Variants in TRERF1 observed in about 807,000 individuals in gnomAD.
TRERF1 encodes transcriptional regulating factor 1.
Under a neutral mutation model 122.9 loss-of-function variants are expected in TRERF1, and 27 were observed. The ratio of observed to expected loss-of-function variants is 0.22; its 90% CI spans 0.16 to 0.30. TRERF1 has a LOEUF of 0.30. Among genes scored for constraint, TRERF1 ranks in the 10% least tolerant of loss-of-function variants. The pLI, the probability that TRERF1 is intolerant of heterozygous loss-of-function variation, is 1.00. For missense variants in TRERF1, 1,248 were observed against 1,560.3 expected (o/e 0.80, Z 3.37); for synonymous variants, 636 against 641.7 (o/e 0.99, Z 0.13).
At chr6:42,340,419 G>A (rs1173009034) in intron 3 of TRERF1, among the ~76,000 whole-genome samples, 1 of 152,060 alleles carries the variant, frequency 6.6e-6, no homozygotes, top group Non-Finnish European at 1.5e-5. Context: ...GTCAAAACAT[G>A]AATATTGCTG....
chr6:42,344,688 C>T (rs577139915), intron 3 of TRERF1, among the ~76,000 whole-genome samples: 2 of 152,282 alleles, frequency 1.3e-5, no homozygotes, highest in South Asian at 4.2e-4. Flanking sequence ...CCCAAGCAGT[C>T]ACCTTGGCAG....
intron 8 of TRERF1, among the ~76,000 whole-genome samples, chr6:42,260,481 T>C (rs981068553): frequency 6.6e-6 from 1 of 152,128 alleles, no homozygotes; most frequent in Admixed American, 6.5e-5. Flanking sequence ...GATACATATA[T>C]ACTAATAAGT....
intron 9 of TRERF1, among the ~76,000 whole-genome samples, chr6:42,258,606 G>A (rs1054720345): frequency 7.9e-5 from 12 of 152,154 alleles, no homozygotes; most frequent in African/African-American, 2.4e-4. Flanking sequence ...ACGGAGTCTC[G>A]CTCCTTCGCC....
At chr6:42,326,448 G>A (rs984306082) in intron 3 of TRERF1, among the ~76,000 whole-genome samples, 2 of 152,194 alleles carry the variant, frequency 1.3e-5, no homozygotes, top group African/African-American at 4.8e-5. Context: ...GTTATTAACA[G>A]ATCATGCAAC....
At chr6:42,297,337 C>T (rs1785284717) in intron 4 of TRERF1, among the ~76,000 whole-genome samples, 1 of 152,168 alleles carries the variant, frequency 6.6e-6, no homozygotes, top group South Asian at 2.1e-4. Context: ...AAGACCAAAA[C>T]AAACCCAAAG....
intron 3 of TRERF1, among the ~76,000 whole-genome samples, chr6:42,314,909 T>C (rs1762236322): frequency 1.3e-5 from 2 of 152,108 alleles, no homozygotes; most frequent in African/African-American, 4.8e-5. Context: ...AAGTATAAAC[T>C]TGATGGAGCG....
chr6:42,351,997 G>A (rs139462533), intron 3 of TRERF1, among the ~76,000 whole-genome samples: 3 of 151,444 alleles, frequency 2.0e-5, no homozygotes, highest in Admixed American at 6.6e-5. Context: ...AATTTGGTGC[G>A]GGTGTTGTTG....
chr6:42,450,909 T>C (rs551474807), intron 2 of TRERF1, among the ~76,000 whole-genome samples: 1 of 152,152 alleles, frequency 6.6e-6, no homozygotes, highest in Non-Finnish European at 1.5e-5. Flanking sequence ...CAACCTCAAA[T>C]GCAAGCCCAC....
intron 4 of TRERF1, among the ~76,000 whole-genome samples, chr6:42,296,953 T>C (rs926976951): frequency 1.3e-5 from 2 of 152,206 alleles, no homozygotes; most frequent in African/African-American, 4.8e-5. Flanking sequence ...AATAGATTCA[T>C]AAACAAATTG....
At chr6:42,436,800 C>CAAAAAAAAAAAAAA (rs775861205) in intron 2 of TRERF1, among the ~76,000 whole-genome samples, 2 of 77,538 alleles carry the variant, frequency 2.6e-5, no homozygotes, top group African/African-American at 1.3e-4. Context: ...TCTCCCTCTA[C>CAAAAAAAAAAAAAA]AAAAAAAAAA....
In TRERF1 at chr6:42,297,043, G is replaced by T. The variant is rs552821928; in HGVS notation, c.-259+3595C>A. Among the ~76,000 whole-genome samples the T allele has an allele frequency of 6.6e-5, 10 of 152,238 alleles. No individual in the cohort carries two copies. In the East Asian group the frequency reaches 1.9e-3, roughly 29 times the overall value. On this transcript the variant is annotated intron_variant, in intron 4 of 17. Coordinates refer to ENST00000372922, the Ensembl canonical transcript of TRERF1. ...GGACTAAAGTTTGTCCTTGCCAATG[G>T]TCAACAGTTATCGTGGGGAGAGAGG...
chr6:42,230,683 G>T (rs1562098239), intron 17 of TRERF1, among the ~76,000 whole-genome samples: 1 of 152,196 alleles, frequency 6.6e-6, no homozygotes, highest in East Asian at 1.9e-4. Flanking sequence ...GTGGTGGGTG[G>T]TGATGTTAAA....
In TRERF1 at chr6:42,232,707, G is replaced by A; in HGVS notation, c.3252C>T (p.Thr1084=). The A allele has an allele frequency of 6.2e-7, 1 of 1,604,272 alleles. No individual in the cohort carries two copies. The stretch of plus-strand genomic sequence containing the variant: ...TGCCACACTCCTTGCAGGGGAAGAT[G>A]GTGGTGGGGTCTGTCTCGCCGCTGG... Residue 1084 remains threonine (T), a synonymous_variant, in exon 17 of 18, where the codon ACC becomes ACT. Coordinates refer to ENST00000372922, the Ensembl canonical transcript of TRERF1. The surrounding 1 kb of genome is among the most constrained non-coding windows in gnomAD (Gnocchi z 4.5).
At chr6:42,313,271 GTAAAAATAACTC>G (rs754008311) in intron 3 of TRERF1, among the ~76,000 whole-genome samples, 9 of 152,168 alleles carry the variant, frequency 5.9e-5, no homozygotes, top group Non-Finnish European at 1.0e-4. Context: ...AGGAGACCTT[GTAAAAATAACTC>G]TAAGTATGAA....
rs1248898054 is a variant in TRERF1, at chr6:42,259,639, G to T, written c.1969C>A (p.Arg657=). 1.9e-6 allele frequency: 3 copies of T among 1,612,904 alleles called. No individual in the cohort carries two copies. Among genetic ancestry groups the T allele is most frequent in the East Asian group, 2.2e-5 (1 of 44,884 alleles). Reference sequence around the variant, plus strand: ...GGCGGGATGAAGAGAGGTTCCGGCCGGTGCCGGAACTTTTTCTTCTCCTGC... The same window carrying T: ...GGCGGGATGAAGAGAGGTTCCGGCCTGTGCCGGAACTTTTTCTTCTCCTGC... The change falls in exon 9 of 18, where the codon CGG becomes AGG. Residue 657 remains arginine (R), a synonymous_variant. Coordinates refer to ENST00000372922, the Ensembl canonical transcript of TRERF1. The surrounding 1 kb of genome is among the most constrained non-coding windows in gnomAD (Gnocchi z 4.9).
In TRERF1 at chr6:42,263,091, GGAGCA is replaced by G. The variant is rs1471382193; in HGVS notation, c.1884+224_1884+228del. On this transcript the variant is annotated intron_variant, in intron 8 of 17. Transcript: ENST00000372922. This position sits in a 1 kb window ranked among gnomAD's most constrained non-coding sequence, Gnocchi z 5.6. Reference sequence around the variant, plus strand: ...AGGCCATTAGTTTGGCATTTAATGGGGAGCAGGCAGTGTGAACAAGGGTAGGGTTC... The same window carrying G: ...AGGCCATTAGTTTGGCATTTAATGGGGGCAGTGTGAACAAGGGTAGGGTTC... 6.6e-6 allele frequency among the ~76,000 whole-genome samples: 1 copy of G among 152,192 alleles called. No individual in the cohort carries two copies. Among genetic ancestry groups the G allele is most frequent in the Non-Finnish European group, 1.5e-5 (1 of 68,034 alleles).
At chr6:42,416,223 C>G (rs1781815820) in intron 2 of TRERF1, among the ~76,000 whole-genome samples, 2 of 151,930 alleles carry the variant, frequency 1.3e-5, no homozygotes, top group Non-Finnish European at 2.9e-5. Context: ...GGTTTTATAC[C>G]TCTTATCTAA....
At chr6:42,449,847 G>A (rs376515187) in intron 2 of TRERF1, among the ~76,000 whole-genome samples, 1 of 152,184 alleles carries the variant, frequency 6.6e-6, no homozygotes, top group Non-Finnish European at 1.5e-5. Context: ...AATGTGTAGC[G>A]AGTTTTTTAA....
intron 4 of TRERF1, among the ~76,000 whole-genome samples, chr6:42,291,960 T>C (rs4714590): frequency 0.25 from 38,443 of 152,004 alleles, 4,975 homozygotes; most frequent in East Asian, 0.32. Flanking sequence ...GAGTCAAAGA[T>C]TGGGGTTCAA....
Sources: gnomAD v4.1 joint callset for allele counts (sites outside exome capture counted in the v4.1 genomes callset) on GRCh38, gnomAD v4.1.1 for gene constraint, Gnocchi (gnomAD v3.1) non-coding constraint, MANE v1.5 for transcripts, NCBI Gene and HGNC (gene_info 2026-07-23, HGNC 2026-07-21) for gene names.